Variants in CCDC6 observed in about 807,000 individuals in gnomAD.
CCDC6 encodes coiled-coil domain containing 6, also known as coiled-coil domain-containing protein 6.
A neutral mutation model predicts 56.6 loss-of-function variants in CCDC6; 20 were observed. That is an observed-to-expected ratio of 0.35 (90% CI 0.25 to 0.51). The LOEUF (loss-of-function observed/expected upper bound fraction) is 0.51, where lower values mean the gene tolerates loss of function less well. CCDC6 is among the 20% of genes least tolerant of loss of function. The pLI, the probability that CCDC6 is intolerant of heterozygous loss-of-function variation, is 0.95. For synonymous variants in CCDC6, 241 were observed against 234.4 expected, an observed-to-expected ratio of 1.03 and a Z score of -0.26; for missense variants, 367 against 601.1, an observed-to-expected ratio of 0.61 and a Z score of 4.07.
chr10:59,816,242 T>C (rs899715789), intron 3 of CCDC6, among the ~76,000 whole-genome samples: 3 of 152,118 alleles, frequency 2.0e-5, no homozygotes, highest in Non-Finnish European at 2.9e-5. Flanking sequence ...ATAAGGATAA[T>C]GATATCATTA....
intron 5 of CCDC6, among the ~76,000 whole-genome samples, chr10:59,810,614 A>G (rs1278368219): frequency 2.0e-5 from 3 of 152,346 alleles, no homozygotes; most frequent in African/African-American, 4.8e-5. Flanking sequence ...ACTATTTGAT[A>G]TATCTCATTT....
At chr10:59,793,884 A>G (rs968589924) in intron 8 of CCDC6, among the ~76,000 whole-genome samples, 3 of 152,158 alleles carry the variant, frequency 2.0e-5, no homozygotes, top group African/African-American at 4.8e-5. Flanking sequence ...TTAAAATATT[A>G]TAATTTATTC....
chr10:59,814,590 C>G (rs1462717782), intron 4 of CCDC6, 62 bp downstream of exon 4: 1 of 999,210 alleles, frequency 1.0e-6, no homozygotes, highest in Non-Finnish European at 1.6e-6. Context: ...CAGTCACACC[C>G]AGAGCAGCAA....
chr10:59,850,476 C>T (rs2071029064), intron 2 of CCDC6, among the ~76,000 whole-genome samples: 1 of 152,168 alleles, frequency 6.6e-6, no homozygotes. Flanking sequence ...AAGCTACAGA[C>T]CCATCTAGAG....
At chr10:59,797,924 C>T (rs1392425908) in intron 7 of CCDC6, among the ~76,000 whole-genome samples, 1 of 152,176 alleles carries the variant, frequency 6.6e-6, no homozygotes, top group Non-Finnish European at 1.5e-5. Context: ...ACTCTCCTTA[C>T]TGTTAGACAG....
chr10:59,905,299 T>C (rs1037398489), intron 1 of CCDC6, among the ~76,000 whole-genome samples: 2 of 152,000 alleles, frequency 1.3e-5, no homozygotes, highest in African/African-American at 4.8e-5. Flanking sequence ...AGGGGACAGG[T>C]AGAAACAGAA....
intron 7 of CCDC6, among the ~76,000 whole-genome samples, chr10:59,803,965 G>A (rs2070597802): frequency 6.6e-6 from 1 of 152,162 alleles, no homozygotes; most frequent in South Asian, 2.1e-4. Flanking sequence ...CTGAATTGCT[G>A]CTTCCTCATT....
rs749224815 is a variant in CCDC6, at chr10:59,906,311, CCCGCCGCCA to C, written c.105_113del (p.Gly42_Gly44del). On this transcript the variant is annotated inframe_deletion, in exon 1 of 9. Coordinates refer to ENST00000263102, the MANE Select transcript of CCDC6 (RefSeq NM_005436.5). ...CCGACTTCCCACCGCCGCCGCCTCC[CCCGCCGCCA>C]CCGCCGCCGCCCGAGGTCGACGAGC... 24 of 1,601,022 alleles carry C rather than the reference CCCGCCGCCA, an allele frequency of 1.5e-5. No homozygotes were observed. The African/African-American group carries it at 2.3e-4, about 15-fold the overall frequency.
chr10:59,888,661 G>T lies in CCDC6; in HGVS notation c.303+17461C>A, dbSNP rs539097442. The stretch of plus-strand genomic sequence containing the variant: ...ATGTTTACCTTTCAAACACTAATTT[G>T]CCAGGGGAAAAATTGCTAATTTTGT... On this transcript the variant is annotated intron_variant, in intron 1 of 8. Transcript: ENST00000263102. 1.8e-3 allele frequency among the ~76,000 whole-genome samples: 273 copies of T among 152,258 alleles called. 1 individual carries two copies. The highest frequency in any genetic ancestry group is 6.3e-3 in the African/African-American group (262 of 41,552).
intron 1 of CCDC6, among the ~76,000 whole-genome samples, chr10:59,878,732 A>T (rs2071306329): frequency 6.6e-6 from 1 of 152,218 alleles, no homozygotes; most frequent in Non-Finnish European, 1.5e-5. Flanking sequence ...CAAAGTATCA[A>T]GTCTTCTACT....
intron 2 of CCDC6, among the ~76,000 whole-genome samples, chr10:59,843,913 T>C (rs1163490021): frequency 6.6e-6 from 1 of 152,186 alleles, no homozygotes; most frequent in Non-Finnish European, 1.5e-5. Context: ...ATCAACTGAC[T>C]TCTGCAGCCC....
chr10:59,808,582 C>T lies in CCDC6; in HGVS notation c.848-1504G>A, dbSNP rs147135841. Among the ~76,000 whole-genome samples, 823 of 152,290 alleles carry T rather than the reference C, an allele frequency of 5.4e-3. 6 individuals carry two copies. Among genetic ancestry groups the T allele is most frequent in the African/African-American group, 0.019 (776 of 41,536 alleles). The stretch of plus-strand genomic sequence containing the variant: ...AAAAGTAAAATCTCCATATACTTCT[C>T]TTTTCTGAAAAGCAGCTACAAATTC... On this transcript the variant is annotated intron_variant, in intron 5 of 8. Transcript: ENST00000263102.
At chr10:59,814,613 C>T in intron 4 of CCDC6, 39 bp downstream of exon 4, 2 of 1,245,834 alleles carry the variant, frequency 1.6e-6, no homozygotes, top group South Asian at 1.2e-5. Flanking sequence ...CACACACACA[C>T]ACACACACAC....
At chr10:59,796,895 C>T (rs1235233755) in intron 7 of CCDC6, among the ~76,000 whole-genome samples, 10 of 150,056 alleles carry the variant, frequency 6.7e-5, no homozygotes, top group South Asian at 2.1e-4. Context: ...GGCATGAACT[C>T]GGGAGGCGGA....
intron 1 of CCDC6, among the ~76,000 whole-genome samples, chr10:59,853,792 G>C (rs1239897704): frequency 2.0e-5 from 3 of 152,092 alleles, no homozygotes; most frequent in African/African-American, 7.2e-5. Context: ...AAAAACAGAA[G>C]AGAAGGGAGT....
chr10:59,848,912 G>A (rs1257781760), intron 2 of CCDC6, among the ~76,000 whole-genome samples: 2 of 152,060 alleles, frequency 1.3e-5, no homozygotes, highest in African/African-American at 4.8e-5. Flanking sequence ...ATGGGGTCTC[G>A]CCATGTTGGC....
At chr10:59,896,245 T>A (rs12573055) in intron 1 of CCDC6, among the ~76,000 whole-genome samples, 29,322 of 152,012 alleles carry the variant, frequency 0.19, 3,671 homozygotes, top group Middle Eastern at 0.32. Flanking sequence ...TACATTTCAT[T>A]AAAAATAAAA....
rs2070476413 is a variant in CCDC6, at chr10:59,792,493, TATA to T, written c.*421_*423del. ...TATTGGTATGTTTGGTAAACACTAT[TATA>T]ATGAGAGGAGGGTAACAACAGCTCA... On this transcript the variant is annotated 3_prime_UTR_variant, in exon 9 of 9. Coordinates refer to ENST00000263102, the MANE Select transcript of CCDC6 (RefSeq NM_005436.5). The T allele has an allele frequency of 2.2e-6, 1 of 462,014 alleles. No homozygotes were observed. The highest frequency in any genetic ancestry group is 3.2e-5 in the Admixed American group (1 of 31,552). 28.6% of individuals were successfully genotyped at this position (462,014 alleles called of 1,614,324 possible).
In CCDC6 at chr10:59,832,591, G is replaced by T; in HGVS notation, c.516C>A (p.Asn172Lys). The T allele has an allele frequency of 6.2e-7, 1 of 1,613,402 alleles. No homozygotes were observed. The highest frequency in any genetic ancestry group is 8.5e-7 in the Non-Finnish European group (1 of 1,179,518). The part of the protein sequence containing the change: ...HLEQEQEFQV[N>K]KLMKKIKKLE... ...GTTTTTTAATTTTCTTCATCAGTTT[G>T]TTGACCTGAAATTCCTGCTCTTGTT... Residue 172 changes from asparagine (N) to lysine (K), a missense_variant, in exon 3 of 9, where the codon AAC becomes AAA. By Grantham distance (94) the Asn-to-Lys change is moderately conservative. Transcript: ENST00000263102.
Sources: gnomAD v4.1 joint callset for allele counts (sites outside exome capture counted in the v4.1 genomes callset) on GRCh38, gnomAD v4.1.1 for gene constraint, MANE v1.5 for transcripts, NCBI Gene and HGNC (gene_info 2026-07-23, HGNC 2026-07-21) for gene names.